The following DCC variants were observed in gnomAD, a reference collection of about 807,000 sequenced individuals.
The protein encoded by DCC is DCC netrin 1 receptor, also known as netrin receptor DCC.
In DCC, 58 loss-of-function variants were observed where a neutral mutation model predicts 172.5. That is an observed-to-expected ratio of 0.34 (90% CI 0.27 to 0.42). The LOEUF is 0.42. Among genes scored for constraint, DCC ranks in the 10% least tolerant of loss-of-function variants. The pLI is 1.00. For synonymous variants in DCC, 709 were observed against 644.5 expected, an observed-to-expected ratio of 1.10 and a Z score of -1.52; for missense variants, 1,740 against 1,791.0, an observed-to-expected ratio of 0.97 and a Z score of 0.51.
At position 52,340,892 on chromosome 18, in the gene DCC, T is replaced by G; in HGVS notation, c.91+14T>G. 1.3e-6 allele frequency: 2 copies of G among 1,587,444 alleles called. No individual in the cohort carries two copies. The highest frequency in any genetic ancestry group is 3.3e-4 in the Middle Eastern group (2 of 6,022). On this transcript the variant is annotated intron_variant, in intron 1 of 28. Transcript: ENST00000442544. ...TTCAAGTAACCGGTAAGTGGCTCTT[T>G]CCTTTCTTCTCGTCGCACCCCCTTC...
At chr18:52,992,963 A>G (rs2041417791) in intron 5 of DCC, among the ~76,000 whole-genome samples, 1 of 150,744 alleles carries the variant, frequency 6.6e-6, no homozygotes. Flanking sequence ...TGGGTGACAC[A>G]GTGAGACTCT....
intron 5 of DCC, among the ~76,000 whole-genome samples, chr18:52,982,105 G>C (rs932952103): frequency 2.0e-5 from 3 of 152,160 alleles, no homozygotes; most frequent in African/African-American, 7.2e-5. Flanking sequence ...TTTGGACTCA[G>C]TTGCTGGAGG....
chr18:52,423,160 G>A (rs1987306920), intron 1 of DCC, among the ~76,000 whole-genome samples: 1 of 152,114 alleles, frequency 6.6e-6, no homozygotes, highest in South Asian at 2.1e-4. Context: ...GGAAAAGCAA[G>A]GATAAATGTT....
chr18:52,774,060 T>G (rs1022804190), intron 2 of DCC, among the ~76,000 whole-genome samples: 8 of 152,216 alleles, frequency 5.3e-5, no homozygotes, highest in African/African-American at 1.9e-4. Context: ...GGGCCCCAGA[T>G]GCTTGTGATA....
At chr18:52,978,340 A>C (rs1320586048) in intron 5 of DCC, among the ~76,000 whole-genome samples, 1 of 152,186 alleles carries the variant, frequency 6.6e-6, no homozygotes, top group Non-Finnish European at 1.5e-5. Flanking sequence ...AAAATAAAGC[A>C]AACAGAGAAG....
intron 1 of DCC, among the ~76,000 whole-genome samples, chr18:52,736,214 C>A (rs1010312724): frequency 6.6e-6 from 1 of 151,088 alleles, no homozygotes; most frequent in Admixed American, 6.6e-5. Flanking sequence ...ATAAAGTTAA[C>A]AACCTTTCCC....
intron 23 of DCC, among the ~76,000 whole-genome samples, chr18:53,452,920 T>C (rs2045434072): frequency 6.6e-6 from 1 of 151,978 alleles, no homozygotes; most frequent in South Asian, 2.1e-4. Flanking sequence ...TGTTTGTTTG[T>C]TTGTTTGTTT....
chr18:53,244,353 G>A (rs950535416), intron 12 of DCC, among the ~76,000 whole-genome samples: 1 of 152,070 alleles, frequency 6.6e-6, no homozygotes, highest in African/African-American at 2.4e-5. Flanking sequence ...CAATCCTCAG[G>A]ATAATTTTAT....
chr18:53,518,672 C>T lies in DCC; in HGVS notation c.4112-7945C>T, dbSNP rs548705941. On this transcript the variant is annotated intron_variant, in intron 27 of 28. Coordinates refer to ENST00000442544, the MANE Select transcript of DCC (RefSeq NM_005215.4). ...TGAGGAGATAACACTAAAACCAAAG[C>T]GATGCTCACTTAATTAGTTGTATAT... 1.8e-4 allele frequency among the ~76,000 whole-genome samples: 27 copies of T among 152,164 alleles called. 1 individual carries two copies. In the South Asian group the frequency reaches 5.2e-3, roughly 29 times the overall value.
intron 15 of DCC, among the ~76,000 whole-genome samples, chr18:53,368,529 C>T (rs2058029134): frequency 6.6e-6 from 1 of 152,016 alleles, no homozygotes; most frequent in African/African-American, 2.4e-5. Flanking sequence ...AATCTAACAT[C>T]GTGAATTTTT....
At position 52,446,177 on chromosome 18, in the gene DCC, TC is replaced by T. The variant is rs1988117637; in HGVS notation, c.91+105302del. On this transcript the variant is annotated intron_variant, in intron 1 of 28. Coordinates refer to ENST00000442544, the MANE Select transcript of DCC (RefSeq NM_005215.4). ...ACCTCCTGATCCTCCCGCCTCGGTC[TC>T]CCAAAGTGCTGGGATTACAAGCGTA... Among the ~76,000 whole-genome samples the T allele has an allele frequency of 3.9e-5, 6 of 152,268 alleles. No individual in the cohort carries two copies. The South Asian group carries it at 1.0e-3, about 26-fold the overall frequency.
chr18:52,483,757 T>C (rs1415417297), intron 1 of DCC, among the ~76,000 whole-genome samples: 2 of 152,116 alleles, frequency 1.3e-5, no homozygotes, highest in Non-Finnish European at 2.9e-5. Flanking sequence ...AAACCATGCT[T>C]TTCAGTTCTG....
chr18:53,011,704 C>T (rs552461283), intron 5 of DCC, among the ~76,000 whole-genome samples: 12 of 151,262 alleles, frequency 7.9e-5, no homozygotes, highest in African/African-American at 2.2e-4. Flanking sequence ...TGCAACTAAA[C>T]GACACTTAGG....
At chr18:52,853,231 G>T (rs973298186) in intron 2 of DCC, among the ~76,000 whole-genome samples, 2 of 152,140 alleles carry the variant, frequency 1.3e-5, no homozygotes, top group African/African-American at 4.8e-5. Flanking sequence ...GTCAGGTTCA[G>T]AAGTTTAGTG....
chr18:52,850,235 A>G (rs2038954806), intron 2 of DCC, among the ~76,000 whole-genome samples: 1 of 152,210 alleles, frequency 6.6e-6, no homozygotes, highest in Admixed American at 6.5e-5. Flanking sequence ...AAAATTTGGA[A>G]TCACTCCCAG....
At chr18:52,660,011 T>G (rs2035326811) in intron 1 of DCC, among the ~76,000 whole-genome samples, 1 of 152,202 alleles carries the variant, frequency 6.6e-6, no homozygotes, top group South Asian at 2.1e-4. Context: ...TATGAGAGCT[T>G]GAAAATGATG....
At chr18:53,158,049 C>T (rs1424495072) in intron 8 of DCC, among the ~76,000 whole-genome samples, 1 of 152,100 alleles carries the variant, frequency 6.6e-6, no homozygotes, top group East Asian at 1.9e-4. Context: ...GTGATTATGA[C>T]ACATTGCATG....
At chr18:53,104,033 T>C (rs2043210303) in intron 7 of DCC, among the ~76,000 whole-genome samples, 1 of 152,038 alleles carries the variant, frequency 6.6e-6, no homozygotes, top group African/African-American at 2.4e-5. Flanking sequence ...AAATTAATGC[T>C]AAAATGCCAA....
At chr18:52,879,293 G>A (rs115972425) in intron 2 of DCC, among the ~76,000 whole-genome samples, 2,307 of 151,734 alleles carry the variant, frequency 0.015, 43 homozygotes, top group African/African-American at 0.039. Flanking sequence ...AAACCTTAAG[G>A]TATTAAGCAT....
Sources: gnomAD v4.1 joint callset for allele counts (sites outside exome capture counted in the v4.1 genomes callset) on GRCh38, gnomAD v4.1.1 for gene constraint, MANE v1.5 for transcripts, NCBI Gene and HGNC (gene_info 2026-07-23, HGNC 2026-07-21) for gene names.